The following VTI1A variants were observed in gnomAD, a reference collection of about 807,000 sequenced individuals.
The protein encoded by VTI1A is vesicle transport through interaction with t-SNAREs 1A.
Under a neutral mutation model 34.9 loss-of-function variants are expected in VTI1A, and 22 were observed. That is an observed-to-expected ratio of 0.63 (90% CI 0.45 to 0.90). The LOEUF is 0.90. VTI1A is among the 40% of genes least tolerant of loss of function. The probability of loss-of-function intolerance (pLI) is 0.00; values close to 1 mark genes in which losing one functional copy is unlikely to be tolerated. For synonymous variants in VTI1A, 87 were observed against 97.3 expected (o/e 0.89, Z 0.62); for missense variants, 268 against 275.6 (o/e 0.97, Z 0.20).
At chr10:112,648,215 A>G (rs1846877770) in intron 5 of VTI1A, among the ~76,000 whole-genome samples, 1 of 152,226 alleles carries the variant, frequency 6.6e-6, no homozygotes, top group Admixed American at 6.5e-5. Context: ...GTAAAAATTT[A>G]AGAAGTCAGA....
intron 7 of VTI1A, among the ~76,000 whole-genome samples, chr10:112,709,303 T>A (rs990013482): frequency 1.3e-5 from 2 of 152,190 alleles, no homozygotes; most frequent in African/African-American, 4.8e-5. Flanking sequence ...TTTTCACAGA[T>A]AAAGAGTATA....
chr10:112,819,570 G>A (rs1339108880), downstream of VTI1A, among the ~76,000 whole-genome samples: 2 of 152,120 alleles, frequency 1.3e-5, no homozygotes, highest in Non-Finnish European at 1.5e-5. Context: ...TCTCCGTGCC[G>A]TCAACTGGAG....
intron 7 of VTI1A, among the ~76,000 whole-genome samples, chr10:112,735,221 A>T (rs1356877706): frequency 1.3e-5 from 2 of 152,162 alleles, no homozygotes; most frequent in Non-Finnish European, 2.9e-5. Flanking sequence ...CTTTTGACAA[A>T]TTGCACAGGA....
intron 3 of VTI1A, among the ~76,000 whole-genome samples, chr10:112,494,922 G>A (rs908501548): frequency 3.9e-5 from 6 of 152,226 alleles, no homozygotes; most frequent in Middle Eastern, 3.4e-3. Flanking sequence ...TTATTACCCA[G>A]ATTAATGTTA....
At chr10:112,518,648 C>CAT (rs1849890701) in intron 3 of VTI1A, among the ~76,000 whole-genome samples, 1 of 56,336 alleles carries the variant, frequency 1.8e-5, no homozygotes, top group African/African-American at 5.2e-5. Flanking sequence ...TGTGTATATA[C>CAT]GTGTATATAT....
At chr10:112,752,516 A>T in intron 7 of VTI1A, 2 of 985,416 alleles carry the variant, frequency 2.0e-6, no homozygotes, top group Non-Finnish European at 1.2e-6. Flanking sequence ...CTATTTGAGA[A>T]ATCTTTGAAA....
intron 3 of VTI1A, among the ~76,000 whole-genome samples, chr10:112,500,137 A>G (rs1010469468): frequency 2.0e-5 from 3 of 152,198 alleles, no homozygotes; most frequent in African/African-American, 7.2e-5. Context: ...TTTTTCATAC[A>G]TTGAAATTGG....
chr10:112,668,935 A>G lies in VTI1A; in HGVS notation c.499-2A>G. On this transcript the variant is annotated splice_acceptor_variant, in intron 6 of 7. Coordinates refer to ENST00000393077, the MANE Select transcript of VTI1A (RefSeq NM_145206.4). LOFTEE classifies it high-confidence loss of function. The stretch of plus-strand genomic sequence containing the variant: ...TCTGTTTTGTTTTGTTTCTTCTTGT[A>G]GCTTCGGGAAACAGATGCTAATTTG... 9 of 1,612,248 alleles carry G rather than the reference A, an allele frequency of 5.6e-6. No individual in the cohort carries two copies. Among genetic ancestry groups the G allele is most frequent in the East Asian group, 2.2e-5 (1 of 44,820 alleles).
intron 5 of VTI1A, among the ~76,000 whole-genome samples, chr10:112,578,825 C>A (rs1843812387): frequency 6.6e-6 from 1 of 152,118 alleles, no homozygotes; most frequent in Non-Finnish European, 1.5e-5. Context: ...TATCTTTTTA[C>A]AATTTAACAT....
chr10:112,516,757 A>G (rs1011841108), intron 3 of VTI1A, among the ~76,000 whole-genome samples: 2 of 152,102 alleles, frequency 1.3e-5, no homozygotes, highest in Admixed American at 6.6e-5. Flanking sequence ...GGTTTAATTC[A>G]TAGGGCCTGC....
chr10:112,750,301 A>T (rs1387912099), intron 7 of VTI1A, among the ~76,000 whole-genome samples: 1 of 152,010 alleles, frequency 6.6e-6, no homozygotes, highest in Non-Finnish European at 1.5e-5. Context: ...TGATCTCCCC[A>T]CTTCAACCTC....
At chr10:112,657,823 G>GTC (rs1336989305) in intron 5 of VTI1A, among the ~76,000 whole-genome samples, 117 of 152,144 alleles carry the variant, frequency 7.7e-4, no homozygotes, top group Middle Eastern at 6.8e-3. Context: ...GTGTGTGTTT[G>GTC]TGTGTGTATA....
intron 1 of VTI1A, among the ~76,000 whole-genome samples, chr10:112,456,105 A>G (rs1453021430): frequency 1.3e-5 from 2 of 152,166 alleles, no homozygotes; most frequent in Admixed American, 1.3e-4. Flanking sequence ...TCTGCCTTCA[A>G]GGAGCCGGCA....
At chr10:112,639,538 A>G (rs1220688057) in intron 5 of VTI1A, among the ~76,000 whole-genome samples, 3 of 152,188 alleles carry the variant, frequency 2.0e-5, no homozygotes, top group African/African-American at 7.2e-5. Flanking sequence ...AAATTCAGCA[A>G]TCATACATAT....
At chr10:112,730,758 C>A (rs1008167877) in intron 7 of VTI1A, among the ~76,000 whole-genome samples, 1 of 151,868 alleles carries the variant, frequency 6.6e-6, no homozygotes, top group African/African-American at 2.4e-5. Flanking sequence ...AATACCAATC[C>A]CAATTGCAAA....
chr10:112,683,069 C>T (rs1043933248), intron 7 of VTI1A, among the ~76,000 whole-genome samples: 8 of 152,146 alleles, frequency 5.3e-5, no homozygotes, highest in Non-Finnish European at 1.0e-4. Flanking sequence ...ACAGAGCATG[C>T]AATCTATGAT....
chr10:112,693,884 A>AG (rs1381036342), intron 7 of VTI1A, among the ~76,000 whole-genome samples: 2 of 152,214 alleles, frequency 1.3e-5, no homozygotes, highest in African/African-American at 2.4e-5. Context: ...CTGTAGAACA[A>AG]GGCATTCCTG....
chr10:112,576,231 A>G (rs1843707325), intron 5 of VTI1A, among the ~76,000 whole-genome samples: 1 of 149,506 alleles, frequency 6.7e-6, no homozygotes. Flanking sequence ...CGTGTTAGCT[A>G]AGATGGTCTC....
chr10:112,461,171 AG>A (rs1847713167), intron 2 of VTI1A, among the ~76,000 whole-genome samples: 1 of 152,244 alleles, frequency 6.6e-6, no homozygotes, highest in Non-Finnish European at 1.5e-5. Context: ...TGATGCAGGC[AG>A]GCCTAGATGT....
Sources: allele counts gnomAD v4.1 joint callset (sites outside exome capture counted in the v4.1 genomes callset), GRCh38; gene constraint gnomAD v4.1.1; transcripts MANE v1.5; gene names NCBI Gene and HGNC (gene_info 2026-07-23, HGNC 2026-07-21).